The following SEPTIN14 variants were observed in gnomAD, a reference collection of about 807,000 sequenced individuals.
SEPTIN14 encodes the protein septin 14, also known as septin-14.
A neutral mutation model predicts 53.6 loss-of-function variants in SEPTIN14; 40 were observed. The observed-to-expected ratio is 0.75, with a 90% CI of 0.58 to 0.97. The LOEUF (loss-of-function observed/expected upper bound fraction) is 0.97, where lower values mean the gene tolerates loss of function less well. Among genes scored for constraint, SEPTIN14 ranks in the 50% least tolerant of loss-of-function variants. The pLI, the probability that SEPTIN14 is intolerant of heterozygous loss-of-function variation, is 0.00. For synonymous variants in SEPTIN14, 138 were observed against 166.8 expected (o/e 0.83, Z 1.33); for missense variants, 471 against 508.2 (o/e 0.93, Z 0.70).
chr7:55,825,518 A>G (rs770170462), intron 6 of SEPTIN14, among the ~76,000 whole-genome samples: 11 of 152,186 alleles, frequency 7.2e-5, no homozygotes, highest in Non-Finnish European at 1.6e-4. Flanking sequence ...ACTTACCAAT[A>G]TTGCCTCATC....
At chr7:55,802,201 C>T (rs1220537531) in intron 9 of SEPTIN14, among the ~76,000 whole-genome samples, 2 of 151,908 alleles carry the variant, frequency 1.3e-5, no homozygotes, top group African/African-American at 2.4e-5. Context: ...GATGGGGTTT[C>T]GCCAAGTTGG....
In SEPTIN14 at chr7:55,822,948, T is replaced by A. The variant is rs1562711083; in HGVS notation, c.721-3725A>T. Among the ~76,000 whole-genome samples, 3 of 150,782 alleles carry A rather than the reference T, an allele frequency of 2.0e-5. No homozygotes were observed. The South Asian group carries it at 6.3e-4, about 32-fold the overall frequency. On this transcript the variant is annotated intron_variant, in intron 6 of 9. Coordinates refer to ENST00000388975, the MANE Select transcript of SEPTIN14 (RefSeq NM_207366.3). ...GCCCTCCTGCACAAATAACTCACAA[T>A]CTTCCTGTGCCTAGCTATCAGCAGA...
chr7:55,802,380 GA>G (rs546320604), intron 9 of SEPTIN14, among the ~76,000 whole-genome samples: 13 of 151,124 alleles, frequency 8.6e-5, no homozygotes, highest in South Asian at 2.1e-4. Context: ...GACACTATGA[GA>G]AAAAAAAATT....
rs1789421734 is a variant in SEPTIN14, at chr7:55,846,633, T to C, written c.59A>G (p.Lys20Arg). Residue 20 changes from lysine (K) to arginine (R), a missense_variant, in exon 3 of 10, where the codon AAA (lysine) becomes AGA (arginine). Lys to Arg is a conservative substitution (Grantham distance 26, BLOSUM62 2). Transcript: ENST00000388975. ...AGTTAAACAACGAATATTATTTTCT[T>C]TTTGCTTAAATAAAACAAAAATTTA... ...TQIPADGDTQ[K>R]ENNIRCLTTI... 1 of 1,469,186 alleles carries C rather than the reference T, an allele frequency of 6.8e-7. No individual in the cohort carries two copies. The highest frequency in any genetic ancestry group is 1.4e-5 in the African/African-American group (1 of 71,030). 91.0% of individuals were successfully genotyped at this position (1,469,186 alleles called of 1,614,324 possible).
intron 2 of SEPTIN14, among the ~76,000 whole-genome samples, chr7:55,855,546 C>G (rs1261993151): frequency 6.6e-6 from 1 of 151,858 alleles, no homozygotes; most frequent in Non-Finnish European, 1.5e-5. Context: ...TCTGTAGGTG[C>G]TTTTTTCTTT....
chr7:55,857,900 T>C (rs906903800), intron 2 of SEPTIN14, among the ~76,000 whole-genome samples: 3 of 152,172 alleles, frequency 2.0e-5, no homozygotes, highest in African/African-American at 4.8e-5. Flanking sequence ...TGTGTCTTTT[T>C]TGTAGAACAA....
At chr7:55,857,822 C>T (rs1276678103) in intron 2 of SEPTIN14, among the ~76,000 whole-genome samples, 1 of 150,900 alleles carries the variant, frequency 6.6e-6, no homozygotes, top group East Asian at 2.0e-4. Context: ...CTCCTGACCT[C>T]GTGATCCGCC....
At chr7:55,837,644 C>T (rs572305288) in intron 5 of SEPTIN14, among the ~76,000 whole-genome samples, 4 of 151,916 alleles carry the variant, frequency 2.6e-5, no homozygotes, top group Non-Finnish European at 5.9e-5. Context: ...AGTGCAATGG[C>T]GTGATCTCGG....
At chr7:55,840,845 G>T (rs576387208) in intron 5 of SEPTIN14, among the ~76,000 whole-genome samples, 12 of 152,048 alleles carry the variant, frequency 7.9e-5, no homozygotes, top group Non-Finnish European at 1.5e-4. Context: ...ATATGATGTT[G>T]TTCCCATAAT....
chr7:55,822,856 CAAAA>C (rs148179709), intron 6 of SEPTIN14, among the ~76,000 whole-genome samples: 1 of 104,394 alleles, frequency 9.6e-6, no homozygotes, highest in African/African-American at 3.5e-5. Context: ...CAGGGGAAAG[CAAAA>C]AAAAAAAAAA....
chr7:55,841,753 G>T (rs982281904), intron 5 of SEPTIN14, among the ~76,000 whole-genome samples: 2 of 151,660 alleles, frequency 1.3e-5, no homozygotes, highest in African/African-American at 4.8e-5. Flanking sequence ...TACTCAGAAG[G>T]CTGAGGCAGG....
intron 2 of SEPTIN14, among the ~76,000 whole-genome samples, chr7:55,850,393 C>T (rs1276804694): frequency 6.6e-6 from 1 of 152,048 alleles, no homozygotes; most frequent in Admixed American, 6.6e-5. Context: ...TCCCTTGAAC[C>T]CAGGAGGCAG....
intron 9 of SEPTIN14, among the ~76,000 whole-genome samples, chr7:55,804,078 G>T (rs2115958171): frequency 6.8e-6 from 1 of 146,520 alleles, no homozygotes; most frequent in Admixed American, 6.8e-5. Flanking sequence ...GGAGCTTGCG[G>T]TGAGCCCAGA....
intron 3 of SEPTIN14, among the ~76,000 whole-genome samples, chr7:55,845,676 A>T (rs1789389383): frequency 6.6e-6 from 1 of 152,094 alleles, no homozygotes; most frequent in African/African-American, 2.4e-5. Context: ...AATAACTATG[A>T]TTTTTCAATT....
intron 8 of SEPTIN14, 67 bp downstream of exon 8, chr7:55,807,023 T>C: frequency 8.8e-7 from 1 of 1,140,796 alleles, no homozygotes. Context: ...ATCCAAATTA[T>C]CATACCTTGT....
chr7:55,805,426 T>C (rs1788596908), intron 8 of SEPTIN14, 36 bp from the exon 9 acceptor site: 2 of 1,488,762 alleles, frequency 1.3e-6, no homozygotes, highest in Non-Finnish European at 1.8e-6. Context: ...TATATTAAAA[T>C]GAGGTAGGAG....
intron 2 of SEPTIN14, among the ~76,000 whole-genome samples, chr7:55,850,347 G>A (rs1288163506): frequency 6.6e-6 from 1 of 152,136 alleles, no homozygotes; most frequent in African/African-American, 2.4e-5. Flanking sequence ...GCACGTGCCT[G>A]TAATCCCAGC....
chr7:55,852,139 C>CA (rs61390006), intron 2 of SEPTIN14, among the ~76,000 whole-genome samples: 20,465 of 115,452 alleles, frequency 0.18, 1,772 homozygotes, highest in Non-Finnish European at 0.25. Context: ...GAGACTCTGT[C>CA]AAAAAAAAAA....
intron 2 of SEPTIN14, among the ~76,000 whole-genome samples, chr7:55,850,422 A>G (rs1199690185): frequency 6.6e-6 from 1 of 152,128 alleles, no homozygotes; most frequent in African/African-American, 2.4e-5. Context: ...GTGAGCTGAG[A>G]TTACACCATG....
Sources: allele counts gnomAD v4.1 joint callset (sites outside exome capture counted in the v4.1 genomes callset), GRCh38; gene constraint gnomAD v4.1.1; transcripts MANE v1.5; gene names NCBI Gene and HGNC (gene_info 2026-07-23, HGNC 2026-07-21).